Variants in GRID2IP observed in about 807,000 individuals in gnomAD.
The protein encoded by GRID2IP is delphilin.
Under a neutral mutation model 114.3 loss-of-function variants are expected in GRID2IP, and 78 were observed. The observed-to-expected ratio is 0.68, with a 90% CI of 0.57 to 0.82. The LOEUF (loss-of-function observed/expected upper bound fraction) is 0.82, where lower values mean the gene tolerates loss of function less well. GRID2IP is among the 40% of genes least tolerant of loss of function. The probability of loss-of-function intolerance (pLI) is 0.00; values close to 1 mark genes in which losing one functional copy is unlikely to be tolerated. For missense variants in GRID2IP, 1,727 were observed against 1,678.5 expected (o/e 1.03, Z -0.51); for synonymous variants, 809 against 724.0 (o/e 1.12, Z -1.89).
chr7:6,499,321 G>A (rs992558529), intron 20 of GRID2IP, among the ~76,000 whole-genome samples: 1 of 152,178 alleles, frequency 6.6e-6, no homozygotes, highest in African/African-American at 2.4e-5. Flanking sequence ...CTCACAGAGG[G>A]TAACTGACTT....
At chr7:6,502,924 C>A (rs1206663786) in intron 17 of GRID2IP, 52 bp from the exon 18 acceptor site, 10 of 1,533,908 alleles carry the variant, frequency 6.5e-6, no homozygotes, top group African/African-American at 1.4e-5. Flanking sequence ...ACCCATCCAC[C>A]CTGCTGTCTG....
intron 4 of GRID2IP, among the ~76,000 whole-genome samples, chr7:6,524,147 T>C (rs917017879): frequency 1.3e-5 from 2 of 152,106 alleles, no homozygotes; most frequent in African/African-American, 4.8e-5. Context: ...CTGGCCTCAG[T>C]TTCCCCCTTT....
intron 14 of GRID2IP, among the ~76,000 whole-genome samples, chr7:6,505,421 G>A (rs1009792409): frequency 1.3e-5 from 2 of 148,884 alleles, no homozygotes; most frequent in Non-Finnish European, 3.0e-5. Flanking sequence ...AGGTCGGAGT[G>A]CAGTGGTGTG....
Position 6,532,227 on chromosome 7 carries a change from T to C in GRID2IP, c.585-5458A>G, listed in dbSNP as rs1779641799. Among the ~76,000 whole-genome samples the C allele has an allele frequency of 1.3e-5, 2 of 151,726 alleles. No individual in the cohort carries two copies. The highest frequency in any genetic ancestry group is 1.3e-4 in the Admixed American group (2 of 15,234). ...ATCAGGCCTGAGGAACAAATGAGAG[T>C]TGGGGTAACCAGTTCAAGGCACATC... On this transcript the variant is annotated intron_variant, in intron 2 of 21. Coordinates refer to ENST00000457091, the MANE Select transcript of GRID2IP (RefSeq NM_001145118.2). The surrounding 1 kb of genome is among the most constrained non-coding windows in gnomAD (Gnocchi z 4.4).
chr7:6,503,239 G>A lies in GRID2IP; in HGVS notation c.2908-76C>T, dbSNP rs916513842. Reference sequence around the variant, plus strand: ...TGCCCCACCGCAGGCTTTGGGGTGGGAGGGGGGGATCTGCTGGCTGCTTCG... The same window carrying A: ...TGCCCCACCGCAGGCTTTGGGGTGGAAGGGGGGGATCTGCTGGCTGCTTCG... On this transcript the variant is annotated intron_variant, in intron 16 of 21. Transcript: ENST00000457091. The A allele has an allele frequency of 4.5e-6, 4 of 890,940 alleles. No individual in the cohort carries two copies. In the Admixed American group the frequency reaches 8.8e-5, roughly 20 times the overall value. 55.2% of individuals were successfully genotyped at this position (890,940 alleles called of 1,614,324 possible).
rs75392294 is a variant in GRID2IP, at chr7:6,526,963, C to T, written c.585-194G>A. Among the ~76,000 whole-genome samples the T allele has an allele frequency of 0.014, 2,112 of 152,310 alleles. 41 individuals carry two copies. Among genetic ancestry groups the T allele is most frequent in the African/African-American group, 0.043 (1,806 of 41,566 alleles). ...CCCCCTCGCTGCTCGGATTTGCGCC[C>T]CCAGCTAGGACTTGGCGTCCTGCTC... On this transcript the variant is annotated intron_variant, in intron 2 of 21. Transcript: ENST00000457091. The surrounding 1 kb of genome is among the most constrained non-coding windows in gnomAD (Gnocchi z 7.6).
Position 6,529,293 on chromosome 7 carries a change from A to G in GRID2IP, c.585-2524T>C, listed in dbSNP as rs1296794396. Among the ~76,000 whole-genome samples the G allele has an allele frequency of 2.6e-5, 4 of 152,150 alleles. No homozygotes were observed. The East Asian group carries it at 5.8e-4, about 22-fold the overall frequency. On this transcript the variant is annotated intron_variant, in intron 2 of 21. Coordinates refer to ENST00000457091, the MANE Select transcript of GRID2IP (RefSeq NM_001145118.2). ...TGGTGAAACCCCATCTCTACTAAAA[A>G]TACAAAACTTAGCCGGGCATGGTAG...
chr7:6,527,138 T>C (rs1427503436), intron 2 of GRID2IP, among the ~76,000 whole-genome samples: 1 of 151,992 alleles, frequency 6.6e-6, no homozygotes, highest in Non-Finnish European at 1.5e-5. Context: ...GGCCAAGCCC[T>C]GAGCCAGGGA....
intron 20 of GRID2IP, among the ~76,000 whole-genome samples, chr7:6,501,385 A>G (rs1786411426): frequency 6.6e-6 from 1 of 152,060 alleles, no homozygotes; most frequent in Non-Finnish European, 1.5e-5. Flanking sequence ...CAAACAAATA[A>G]ATAAATAAAT....
At chr7:6,524,385 A>G (rs1478972345) in intron 4 of GRID2IP, among the ~76,000 whole-genome samples, 1 of 152,224 alleles carries the variant, frequency 6.6e-6, no homozygotes, top group African/African-American at 2.4e-5. Context: ...TGCAGGACAG[A>G]GCAGGTGACC....
In GRID2IP at chr7:6,520,864, TGGCTGTCCAGTGCCATGCATGGGAA is replaced by T; in HGVS notation, c.1085-128_1085-104del. On this transcript the variant is annotated intron_variant, in intron 6 of 21. Transcript: ENST00000457091. The surrounding 1 kb of genome is among the most constrained non-coding windows in gnomAD (Gnocchi z 4.6). ...TCAGGAGACCTCCTGAGCTGGGGTG[TGGCTGTCCAGTGCCATGCATGGGAA>T]GGCATGCCTGTGGCCCGACACCGGG... is the stretch of plus-strand genomic sequence containing the variant. 8.8e-7 allele frequency: 1 copy of T among 1,138,606 alleles called. No individual in the cohort carries two copies. Among genetic ancestry groups the T allele is most frequent in the Non-Finnish European group, 1.2e-6 (1 of 807,460 alleles). 70.5% of individuals were successfully genotyped at this position (1,138,606 alleles called of 1,614,324 possible). A position where few individuals can be genotyped will look rare whatever the true frequency, so the allele number is the denominator to read the frequency against.
At position 6,526,108 on chromosome 7, in the gene GRID2IP, G is replaced by C. The variant is rs1779506009; in HGVS notation, c.919+116C>G. On this transcript the variant is annotated intron_variant, in intron 4 of 21. Coordinates refer to ENST00000457091, the MANE Select transcript of GRID2IP (RefSeq NM_001145118.2). This position sits in a 1 kb window ranked among gnomAD's most constrained non-coding sequence, Gnocchi z 7.6. ...CTACACAAGGATGGTACCTGACGTG[G>C]AGGGGTTGCTGAGCAGGAGCCTACA... is the stretch of plus-strand genomic sequence containing the variant. 2.7e-6 allele frequency: 2 copies of C among 751,884 alleles called. No individual in the cohort carries two copies. The highest frequency in any genetic ancestry group is 4.6e-6 in the Non-Finnish European group (2 of 432,096). The allele number at this position is 751,884 out of a possible 1,614,324, so 46.6% of individuals were successfully genotyped here.
At position 6,523,196 on chromosome 7, in the gene GRID2IP, G is replaced by A. The variant is rs1217115450; in HGVS notation, c.920-1239C>T. On this transcript the variant is annotated intron_variant, in intron 4 of 21. Transcript: ENST00000457091. The surrounding 1 kb of genome is among the most constrained non-coding windows in gnomAD (Gnocchi z 4.5). Reference sequence around the variant, plus strand: ...TAAATAAAATATACTCTCAGATTGCGAGAAGTTCTCTCTGGGGGAAGTGGA... The same window carrying A: ...TAAATAAAATATACTCTCAGATTGCAAGAAGTTCTCTCTGGGGGAAGTGGA... 2.0e-5 allele frequency among the ~76,000 whole-genome samples: 3 copies of A among 152,166 alleles called. No homozygotes were observed. The highest frequency in any genetic ancestry group is 2.9e-5 in the Non-Finnish European group (2 of 68,030).
chr7:6,533,180 C>T (rs1779664641), intron 2 of GRID2IP, among the ~76,000 whole-genome samples: 1 of 152,262 alleles, frequency 6.6e-6, no homozygotes. Context: ...TAAACATCCT[C>T]TAATGTGCAG....
chr7:6,506,857 T>A lies in GRID2IP; in HGVS notation c.2545-950A>T, dbSNP rs374902199. Among the ~76,000 whole-genome samples the A allele has an allele frequency of 2.3e-4, 35 of 152,138 alleles. No individual in the cohort carries two copies. The highest frequency in any genetic ancestry group is 8.0e-4 in the African/African-American group (33 of 41,504). ...CCACCAGGTCTGGCTAACTTTTTGA[T>A]TTTTTTGTAGAGACAAGATCTCACT... On this transcript the variant is annotated intron_variant, in intron 13 of 21. Coordinates refer to ENST00000457091, the MANE Select transcript of GRID2IP (RefSeq NM_001145118.2). The surrounding 1 kb of genome is among the most constrained non-coding windows in gnomAD (Gnocchi z 5.2).
At chr7:6,531,011 T>C in intron 2 of GRID2IP, 1 of 638,538 alleles carries the variant, frequency 1.6e-6, no homozygotes, top group Non-Finnish European at 2.8e-6. Flanking sequence ...CCGAGGCGGA[T>C]CCGTGGCGCA....
intron 20 of GRID2IP, among the ~76,000 whole-genome samples, chr7:6,498,572 C>CTT (rs34146767): frequency 0.012 from 819 of 68,050 alleles, 14 homozygotes; most frequent in East Asian, 0.02. Flanking sequence ...CTAGGCCTTA[C>CTT]TTTTTTTTTT....
intron 7 of GRID2IP, among the ~76,000 whole-genome samples, chr7:6,517,356 C>T (rs1329617870): frequency 1.3e-5 from 2 of 151,976 alleles, no homozygotes; most frequent in Non-Finnish European, 2.9e-5. Flanking sequence ...CGCGCCCAGC[C>T]GTCTTGTGTC....
chr7:6,518,500 G>A (rs1244981294), intron 7 of GRID2IP, among the ~76,000 whole-genome samples: 1 of 152,196 alleles, frequency 6.6e-6, no homozygotes, highest in Non-Finnish European at 1.5e-5. Flanking sequence ...CACTTTGGGA[G>A]GCTGAAGTGG....
Sources: gnomAD v4.1 joint callset for allele counts (sites outside exome capture counted in the v4.1 genomes callset) on GRCh38, gnomAD v4.1.1 for gene constraint, Gnocchi (gnomAD v3.1) non-coding constraint, MANE v1.5 for transcripts, NCBI Gene and HGNC (gene_info 2026-07-23, HGNC 2026-07-21) for gene names.